The following ADISSP variants were observed in gnomAD, a reference collection of about 807,000 sequenced individuals.
ADISSP encodes the protein adipose secreted signaling protein.
the ADISSP span, chr20:3,758,493 CG>C: frequency 6.3e-7 from 1 of 1,593,624 alleles, no homozygotes; most frequent in East Asian, 2.2e-5. The surrounding 1 kb of genome is among the most constrained non-coding windows in gnomAD (Gnocchi z 5.5). Flanking sequence ...CAGGCAGAGC[CG>C]GGGAGGGGAA....
the ADISSP span, among the ~76,000 whole-genome samples, chr20:3,757,706 G>C: frequency 6.6e-6 from 1 of 152,110 alleles, no homozygotes; most frequent in East Asian, 1.9e-4. Flanking sequence ...TCAGCTCACT[G>C]CAACCTCAGC....
At chr20:3,754,212 G>A in the ADISSP span, 207 of 1,542,172 alleles carry the variant, frequency 1.3e-4, 2 homozygotes, top group South Asian at 1.5e-3. Context: ...CCACCCATGC[G>A]GCCCACTAAG....
the ADISSP span, among the ~76,000 whole-genome samples, chr20:3,761,247 G>T: frequency 3.9e-5 from 6 of 152,188 alleles, no homozygotes; most frequent in African/African-American, 1.4e-4. Context: ...ACAAGAACCA[G>T]TGGATGCTAA....
chr20:3,760,679 C>T, the ADISSP span, among the ~76,000 whole-genome samples: 1 of 152,166 alleles, frequency 6.6e-6, no homozygotes, highest in African/African-American at 2.4e-5. Flanking sequence ...ATAAAGTAAG[C>T]GTGCCCTTAG....
At chr20:3,757,626 G>A in the ADISSP span, among the ~76,000 whole-genome samples, 1 of 152,046 alleles carries the variant, frequency 6.6e-6, no homozygotes, top group African/African-American at 2.4e-5. Context: ...GGGCCCCCCA[G>A]GTTCTTTTTT....
chr20:3,757,327 A>T, the ADISSP span, among the ~76,000 whole-genome samples: 145,382 of 152,082 alleles, frequency 0.96, 69,572 homozygotes, highest in African/African-American at 0.99. Context: ...TCCAGCCTGG[A>T]GACAGCAAGA....
At chr20:3,768,058 C>T in the ADISSP span, 1 of 152,628 alleles carries the variant, frequency 6.6e-6, no homozygotes, top group African/African-American at 2.4e-5. Context: ...CTTCTTCCGC[C>T]TGGGGGATAG....
the ADISSP span, among the ~76,000 whole-genome samples, chr20:3,756,426 G>C: frequency 2.2e-5 from 3 of 137,800 alleles, no homozygotes; most frequent in African/African-American, 8.1e-5. Flanking sequence ...TTGCTGAGCA[G>C]GGGGGCTGGT....
chr20:3,754,069 C>G, the ADISSP span: 1 of 1,612,592 alleles, frequency 6.2e-7, no homozygotes, highest in Non-Finnish European at 8.5e-7. Flanking sequence ...CAGTCAAAGC[C>G]GTGCCAGTCG....
the ADISSP span, chr20:3,758,760 A>G: frequency 7.7e-7 from 1 of 1,300,302 alleles, no homozygotes; most frequent in Admixed American, 2.0e-5. The surrounding 1 kb of genome is among the most constrained non-coding windows in gnomAD (Gnocchi z 5.5). Context: ...CACCCCCAAG[A>G]CTGCCCTTGA....
the ADISSP span, chr20:3,754,636 G>A: frequency 9.2e-7 from 1 of 1,091,622 alleles, no homozygotes; most frequent in African/African-American, 1.5e-5. Context: ...GCCCCCCCAA[G>A]AAAGGGGCAG....
chr20:3,765,155 G>A, the ADISSP span, among the ~76,000 whole-genome samples: 4 of 152,222 alleles, frequency 2.6e-5, no homozygotes, highest in African/African-American at 9.7e-5. Flanking sequence ...CTTTCTCAAT[G>A]GAGAACCTGC....
At chr20:3,757,265 G>C in the ADISSP span, among the ~76,000 whole-genome samples, 1 of 152,148 alleles carries the variant, frequency 6.6e-6, no homozygotes, top group Middle Eastern at 3.4e-3. Context: ...CAGGAGAATT[G>C]CTTGAACCTG....
chr20:3,754,024 G>C, the ADISSP span: 2 of 1,526,474 alleles, frequency 1.3e-6, no homozygotes, highest in Non-Finnish European at 1.8e-6. Context: ...GGGGTTTAAG[G>C]CTGAGGGGCC....
chr20:3,760,001 C>T, the ADISSP span: 13 of 1,609,666 alleles, frequency 8.1e-6, no homozygotes, highest in Non-Finnish European at 1.1e-5. Flanking sequence ...GTGGTGCGGG[C>T]CCTACCTGCA....
chr20:3,760,010 C>T, the ADISSP span: 2 of 1,609,426 alleles, frequency 1.2e-6, no homozygotes, highest in Non-Finnish European at 1.7e-6. Context: ...GCCCTACCTG[C>T]AGCAATGGCC....
chr20:3,768,169 G>A, the ADISSP span: 1 of 152,480 alleles, frequency 6.6e-6, no homozygotes, highest in African/African-American at 2.4e-5. Context: ...AGCTCCCGAA[G>A]GTGGCCTTTC....
chr20:3,766,081 G>A, the ADISSP span, among the ~76,000 whole-genome samples: 5 of 152,172 alleles, frequency 3.3e-5, no homozygotes, highest in Admixed American at 1.3e-4. Context: ...CTCTGAGCCA[G>A]GAACTCCGCA....
the ADISSP span, among the ~76,000 whole-genome samples, chr20:3,761,288 A>G: frequency 1.8e-3 from 269 of 147,904 alleles, 2 homozygotes; most frequent in African/African-American, 6.7e-3. Flanking sequence ...GGAAGCAGAT[A>G]CTCACAGGCG....
Sources: gnomAD v4.1 joint callset for allele counts (sites outside exome capture counted in the v4.1 genomes callset) on GRCh38, gnomAD v4.1.1 for gene constraint, Gnocchi (gnomAD v3.1) non-coding constraint, MANE v1.5 for transcripts, NCBI Gene and HGNC (gene_info 2026-07-23, HGNC 2026-07-21) for gene names.